The following CAPN11 variants were observed in gnomAD, a reference collection of about 807,000 sequenced individuals.
The protein encoded by CAPN11 is calpain 11, also known as calpain-11.
In CAPN11, 108 loss-of-function variants were observed where a neutral mutation model predicts 105.3. The ratio of observed to expected loss-of-function variants is 1.03; its 90% CI spans 0.88 to 1.20. The LOEUF is 1.20. CAPN11 is among the 50% of genes most tolerant of loss of function. The pLI is 0.00. For synonymous variants in CAPN11, 329 were observed against 344.5 expected (o/e 0.96, Z 0.50); for missense variants, 883 against 924.8 (o/e 0.95, Z 0.59).
In CAPN11 at chr6:44,169,549, G is replaced by A; in HGVS notation, c.339+18G>A. ...GGCCCAAGGTGGGCACTGGAAGGGA[G>A]GCATGGACTCATGGATGGAAGGGAG... On this transcript the variant is annotated intron_variant, in intron 3 of 22. Coordinates refer to ENST00000398776, the MANE Select transcript of CAPN11 (RefSeq NM_007058.4). 6.5e-7 allele frequency: 1 copy of A among 1,537,202 alleles called. No individual in the cohort carries two copies. The highest frequency in any genetic ancestry group is 8.8e-7 in the Non-Finnish European group (1 of 1,141,472).
intron 1 of CAPN11, among the ~76,000 whole-genome samples, chr6:44,162,402 CA>C (rs1480626488): frequency 6.6e-6 from 1 of 151,472 alleles, no homozygotes; most frequent in African/African-American, 2.4e-5. Flanking sequence ...CACACACACA[CA>C]CACACACCTG....
intron 14 of CAPN11, 79 bp downstream of exon 14, chr6:44,180,242 G>A (rs1772899690): frequency 9.0e-7 from 1 of 1,113,704 alleles, no homozygotes; most frequent in Non-Finnish European, 1.3e-6. Context: ...CTGCTGTCGG[G>A]TCCTCCCTCA....
rs1561853608 is a variant in CAPN11, at chr6:44,181,418, A to ACACACACACACACCCACCCACACCACACT, written c.1938+111_1938+112insCCACCCACACCACACTCACACACACACAC. The stretch of plus-strand genomic sequence containing the variant: ...GGAAGCTAGAACCCAAGCCCTAACC[A>ACACACACACACACCCACCCACACCACACT]CACACACACACACACCCAACCACAC... On this transcript the variant is annotated intron_variant, in intron 19 of 22. Transcript: ENST00000398776. 3 of 90,716 alleles carry ACACACACACACACCCACCCACACCACACT rather than the reference A, an allele frequency of 3.3e-5. 1 individual carries two copies. Among genetic ancestry groups the ACACACACACACACCCACCCACACCACACT allele is most frequent in the African/African-American group, 1.4e-4 (1 of 7,022 alleles). 5.6% of individuals were successfully genotyped at this position (90,716 alleles called of 1,614,324 possible).
intron 19 of CAPN11, among the ~76,000 whole-genome samples, chr6:44,182,264 A>ACACT (rs1554132490): frequency 5.3e-5 from 4 of 75,150 alleles, no homozygotes; most frequent in Non-Finnish European, 9.5e-5. Flanking sequence ...ACACACACAC[A>ACACT]CACATACAGA....
intron 11 of CAPN11, 106 bp from the exon 12 acceptor site, chr6:44,177,136 T>C: frequency 6.8e-7 from 1 of 1,462,494 alleles, no homozygotes. Flanking sequence ...TCACAGCCCC[T>C]GTGGAGGAGA....
chr6:44,171,315 G>A (rs373414418), intron 4 of CAPN11, among the ~76,000 whole-genome samples: 7 of 152,288 alleles, frequency 4.6e-5, no homozygotes, highest in South Asian at 4.1e-4. Flanking sequence ...CCCTTTAGCC[G>A]AACTTCAGGC....
At chr6:44,174,904 G>A (rs568163131) in intron 7 of CAPN11, among the ~76,000 whole-genome samples, 2 of 152,316 alleles carry the variant, frequency 1.3e-5, no homozygotes, top group Non-Finnish European at 2.9e-5. Flanking sequence ...GCGGGTGTGA[G>A]CCACTGTGCC....
rs1246992391 is a variant in CAPN11 at position 44,166,835 on chromosome 6, ACTGCAGACCCGTCGTG to A, written c.88+7_88+22del. 6 of 1,546,176 alleles carry A rather than the reference ACTGCAGACCCGTCGTG, an allele frequency of 3.9e-6. No individual in the cohort carries two copies. Among genetic ancestry groups the A allele is most frequent in the Non-Finnish European group, 4.4e-6 (5 of 1,142,114 alleles). ...GCCTCGGGGCTCATGTGCGGGTAGG[ACTGCAGACCCGTCGTG>A]GCTCTGTGGCCTCCCTTTTTCTTCC... On this transcript the variant is annotated splice_region_variant and intron_variant, in intron 2 of 22. Coordinates refer to ENST00000398776, the MANE Select transcript of CAPN11 (RefSeq NM_007058.4).
At position 44,183,244 on chromosome 6, in the gene CAPN11, G is replaced by A. The variant is rs781067792; in HGVS notation, c.2134+9G>A. On this transcript the variant is annotated intron_variant, in intron 21 of 22. Coordinates refer to ENST00000398776, the MANE Select transcript of CAPN11 (RefSeq NM_007058.4). ...GCTAAAGACCATGTTCAGTGAGTTA[G>A]GCATCTACCCACTCCCCAGCCTAGG... is the stretch of plus-strand genomic sequence containing the variant. 1.3e-6 allele frequency: 2 copies of A among 1,555,138 alleles called. No individual in the cohort carries two copies. The highest frequency in any genetic ancestry group is 8.9e-7 in the Non-Finnish European group (1 of 1,126,322).
chr6:44,159,166 T>G (rs141922090), intron 1 of CAPN11, among the ~76,000 whole-genome samples: 1 of 151,498 alleles, frequency 6.6e-6, no homozygotes, highest in Non-Finnish European at 1.5e-5. Flanking sequence ...ACAGTTGGAG[T>G]TGGGGAGAGG....
At chr6:44,168,296 G>A (rs557939772) in intron 2 of CAPN11, among the ~76,000 whole-genome samples, 1 of 152,178 alleles carries the variant, frequency 6.6e-6, no homozygotes, top group East Asian at 1.9e-4. Flanking sequence ...TTGAGATGGA[G>A]CCTCACTCTG....
rs768789245 is a variant in CAPN11, at chr6:44,179,624, A to T, written c.1422A>T (p.Pro474=). The T allele has an allele frequency of 6.2e-7, 1 of 1,612,986 alleles. No individual in the cohort carries two copies. Among genetic ancestry groups the T allele is most frequent in the Admixed American group, 1.7e-5 (1 of 60,004 alleles). Residue 474 remains proline, a synonymous_variant, in exon 13 of 23, where the codon CCA becomes CCT. Transcript: ENST00000398776. ...CCTCTTTCTTCCCTTCCCAGGTCCCAAAAGAGGTACAGAAGATAAAGATGT... is the reference window on the plus strand; with the variant it reads ...CCTCTTTCTTCCCTTCCCAGGTCCCTAAAGAGGTACAGAAGATAAAGATGT... The part of the protein sequence containing the change: ...QTIGFVLYAV[P]KEFQNIQDVH...
chr6:44,168,974 G>A (rs1770493547), intron 2 of CAPN11: 1 of 472,490 alleles, frequency 2.1e-6, no homozygotes, highest in African/African-American at 2.0e-5. Context: ...CCAGACTGGA[G>A]TGCCATCACA....
chr6:44,159,527 G>A (rs1228915993), intron 1 of CAPN11, among the ~76,000 whole-genome samples: 1 of 151,930 alleles, frequency 6.6e-6, no homozygotes, highest in Non-Finnish European at 1.5e-5. Flanking sequence ...GAGACCATGG[G>A]CCCCTAGACC....
chr6:44,181,356 G>C (rs1427016354), intron 19 of CAPN11, 36 bp downstream of exon 19: 1 of 1,581,842 alleles, frequency 6.3e-7, no homozygotes, highest in Admixed American at 1.7e-5. Flanking sequence ...CCAGGGGTGA[G>C]GAAAAGAGGG....
chr6:44,166,014 A>G (rs1352393557), intron 1 of CAPN11, among the ~76,000 whole-genome samples: 3 of 152,064 alleles, frequency 2.0e-5, no homozygotes, highest in Non-Finnish European at 4.4e-5. Flanking sequence ...CTAGGAGGGG[A>G]TGCCCTTGTG....
intron 2 of CAPN11, 122 bp downstream of exon 2, chr6:44,166,951 G>A (rs568875644): frequency 3.9e-5 from 23 of 590,696 alleles, no homozygotes; most frequent in African/African-American, 2.3e-4. Flanking sequence ...GGAGGGCGGC[G>A]GGGGGAGGGG....
At chr6:44,168,523 C>T (rs1770389180) in intron 2 of CAPN11, among the ~76,000 whole-genome samples, 1 of 152,082 alleles carries the variant, frequency 6.6e-6, no homozygotes, top group South Asian at 2.1e-4. Context: ...CCACCTTGTT[C>T]TCCCAAAGTG....
At chr6:44,183,855 C>T in intron 22 of CAPN11, 51 bp from the exon 23 acceptor site, 2 of 1,569,258 alleles carry the variant, frequency 1.3e-6, no homozygotes, top group Non-Finnish European at 1.7e-6. Context: ...CCCGGGCCAG[C>T]ATCCTGCCCC....
Sources: allele counts gnomAD v4.1 joint callset (sites outside exome capture counted in the v4.1 genomes callset), GRCh38; gene constraint gnomAD v4.1.1; transcripts MANE v1.5; gene names NCBI Gene and HGNC (gene_info 2026-07-23, HGNC 2026-07-21).